SEC23B: variants seen among roughly 807,000 people sequenced by gnomAD.
The protein encoded by SEC23B is SEC23 homolog B, COPII component.
SEC23B carries 77 observed loss-of-function variants against 104.3 expected under a neutral mutation model. The ratio of observed to expected loss-of-function variants is 0.74; its 90% CI spans 0.61 to 0.89. The LOEUF (loss-of-function observed/expected upper bound fraction) is 0.89, where lower values mean the gene tolerates loss of function less well. SEC23B is among the 40% of genes least tolerant of loss of function. The pLI, the probability that SEC23B is intolerant of heterozygous loss-of-function variation, is 0.00. For missense variants in SEC23B, 885 were observed against 949.4 expected, an observed-to-expected ratio of 0.93 and a Z score of 0.89; for synonymous variants, 338 against 332.5, an observed-to-expected ratio of 1.02 and a Z score of -0.18.
At chr20:18,524,810 A>G in intron 5 of SEC23B, 125 bp from the exon 6 acceptor site, 1 of 1,224,294 alleles carries the variant, frequency 8.2e-7, no homozygotes, top group Admixed American at 1.8e-5. Flanking sequence ...GGCCCACCTC[A>G]GCCTCATGAG....
chr20:18,554,260 G>A lies in SEC23B; in HGVS notation c.2018G>A (p.Gly673Asp). 6.2e-7 allele frequency: 1 copy of A among 1,614,166 alleles called. No homozygotes were observed. The highest frequency in any genetic ancestry group is 8.5e-7 in the Non-Finnish European group (1 of 1,180,030). ...ACCATAGCCCAGTGGCGTAAAGCTG[G>A]CTACCAGGACATGCCCGAGTATGAA... ...GETIAQWRKA[G>D]YQDMPEYENF... Residue 673 changes from glycine to aspartate, a missense_variant, in exon 18 of 20, where the codon GGC (glycine) becomes GAC (aspartate). Physicochemically the swap from Gly to Asp is moderately conservative, Grantham distance 94. Transcript: ENST00000650089.
At chr20:18,539,230 G>T (rs1319261833) in intron 12 of SEC23B, among the ~76,000 whole-genome samples, 2 of 144,590 alleles carry the variant, frequency 1.4e-5, no homozygotes, top group African/African-American at 5.1e-5. Context: ...AAAAGGCCGG[G>T]TGCGGTGGCT....
intron 9 of SEC23B, among the ~76,000 whole-genome samples, chr20:18,529,678 C>G (rs1320761127): frequency 5.3e-5 from 8 of 152,206 alleles, no homozygotes; most frequent in African/African-American, 4.8e-5. Context: ...GAGGAACACA[C>G]TCCACATATA....
intron 19 of SEC23B, among the ~76,000 whole-genome samples, chr20:18,556,869 G>A (rs1479319906): frequency 2.6e-4 from 39 of 152,176 alleles, no homozygotes; most frequent in East Asian, 1.9e-4. Flanking sequence ...GGTGGCATGC[G>A]CCTGTAGTCC....
Position 18,510,887 on chromosome 20 carries a change from C to A in SEC23B, c.52C>A (p.Arg18Ser). The A allele has an allele frequency of 1.2e-6, 2 of 1,614,070 alleles. No homozygotes were observed. Among genetic ancestry groups the A allele is most frequent in the South Asian group, 2.2e-5 (2 of 91,074 alleles). The change falls in exon 2 of 20, where the codon CGT (arginine) becomes AGT (serine). Residue 18 changes from arginine (R) to serine (S), a missense_variant. Physicochemically the swap from Arg to Ser is moderately radical, Grantham distance 110. Transcript: ENST00000650089. ...IQQNEERDGV[R>S]FSWNVWPSSR... ...GCAGAATGAAGAACGGGATGGTGTG[C>A]GTTTTAGTTGGAACGTGTGGCCTTC...
At chr20:18,536,406 A>G (rs971840045) in intron 12 of SEC23B, among the ~76,000 whole-genome samples, 2 of 152,218 alleles carry the variant, frequency 1.3e-5, no homozygotes, top group African/African-American at 2.4e-5. Context: ...AAATCCACAT[A>G]TAACGGCCGG....
rs752271873 is a variant in SEC23B, at chr20:18,543,073, G to A, written c.1566G>A (p.Glu522=). ...ACATAGAAGCAGCATTTGACCAGGA[G>A]GCTGCGGCAGTGTTGATGGCACGGC... is the stretch of plus-strand genomic sequence containing the variant. ...LRHIEAAFDQ[E]AAAVLMARLG... The change falls in exon 14 of 20, where the codon GAG becomes GAA. Residue 522 remains glutamate (E), a synonymous_variant. Coordinates refer to ENST00000650089, the MANE Select transcript of SEC23B (RefSeq NM_006363.6). The A allele has an allele frequency of 1.2e-6, 2 of 1,614,178 alleles. No individual in the cohort carries two copies. The highest frequency in any genetic ancestry group is 1.1e-5 in the South Asian group (1 of 91,076).
At chr20:18,518,582 GTTTTTTTTTT>G (rs57231166) in intron 4 of SEC23B, among the ~76,000 whole-genome samples, 3,653 of 92,790 alleles carry the variant, frequency 0.039, 134 homozygotes, top group Admixed American at 0.065. Flanking sequence ...CTGGAAGGAG[GTTTTTTTTTT>G]TTTTTTTTTT....
intron 8 of SEC23B, among the ~76,000 whole-genome samples, chr20:18,527,016 G>A (rs868486406): frequency 1.3e-5 from 2 of 152,238 alleles, no homozygotes; most frequent in Admixed American, 6.5e-5. Flanking sequence ...AGGAGTTCGA[G>A]ACGAGTCTTG....
Position 18,524,661 on chromosome 20 carries a change from CAA to C in SEC23B, c.597_598del (p.Gln199HisfsTer40), listed in dbSNP as rs759904569. Reference sequence around the variant, plus strand: ...AGGGACCAAGGATTTAACTGCAAAGCAAATACAGGTTTGTACCTTACTTGTAC... The same window carrying C: ...AGGGACCAAGGATTTAACTGCAAAGCATACAGGTTTGTACCTTACTTGTAC... ...FRGTKDLTAK[Q>X]IQDMLGLTKP... On this transcript the variant is annotated frameshift_variant, in exon 5 of 20. Coordinates refer to ENST00000650089, the MANE Select transcript of SEC23B (RefSeq NM_006363.6). LOFTEE classifies it high-confidence loss of function. 6.2e-7 allele frequency: 1 copy of C among 1,611,928 alleles called. No homozygotes were observed. Among genetic ancestry groups the C allele is most frequent in the Non-Finnish European group, 8.5e-7 (1 of 1,178,262 alleles).
intron 4 of SEC23B, among the ~76,000 whole-genome samples, chr20:18,516,466 T>A (rs1197713022): frequency 1.3e-5 from 2 of 152,134 alleles, no homozygotes; most frequent in Non-Finnish European, 2.9e-5. Flanking sequence ...TTTATTACTG[T>A]AGCTTTGTAA....
intron 11 of SEC23B, among the ~76,000 whole-genome samples, chr20:18,533,076 A>G (rs371335934): frequency 6.6e-6 from 1 of 152,194 alleles, no homozygotes; most frequent in African/African-American, 2.4e-5. Flanking sequence ...CACAAGGCAA[A>G]CATTCAGCAC....
rs747541378 is a variant in SEC23B, at chr20:18,526,509, G to C, written c.971G>C (p.Arg324Pro). 8.1e-6 allele frequency: 13 copies of C among 1,614,160 alleles called. No homozygotes were observed. In the East Asian group the frequency reaches 2.9e-4, roughly 36 times the overall value. The change falls in exon 8 of 20, where the codon CGA becomes CCA. Residue 324 changes from arginine to proline, a missense_variant. Arg to Pro is a moderately radical substitution (Grantham distance 103, BLOSUM62 -2). Coordinates refer to ENST00000650089, the MANE Select transcript of SEC23B (RefSeq NM_006363.6). ...CATGATATTGAGAAAGATAATGCAC[G>C]ATTCATGAAAAAGGCAACCAAGGTA... ...SWHDIEKDNA[R>P]FMKKATKHYE...
At chr20:18,522,485 G>A (rs2060092536) in intron 4 of SEC23B, among the ~76,000 whole-genome samples, 2 of 152,212 alleles carry the variant, frequency 1.3e-5, no homozygotes, top group Admixed American at 1.3e-4. Context: ...GGAGAAGAGA[G>A]TGAAAAGACC....
rs1568617788 is a variant in SEC23B, at chr20:18,543,013, TG to T, written c.1512-5del. The T allele has an allele frequency of 2.5e-6, 4 of 1,614,140 alleles. No individual in the cohort carries two copies. The highest frequency in any genetic ancestry group is 3.3e-4 in the Middle Eastern group (2 of 6,062). ...ATAAGCATGGCACTAACTCTGGAAT[TG>T]TCAGTTGGGCAGATGTACAGAGTCA... is the stretch of plus-strand genomic sequence containing the variant. On this transcript the variant is annotated splice_region_variant and splice_polypyrimidine_tract_variant and intron_variant, in intron 13 of 19. Coordinates refer to ENST00000650089, the MANE Select transcript of SEC23B (RefSeq NM_006363.6).
intron 11 of SEC23B, among the ~76,000 whole-genome samples, chr20:18,535,281 G>A (rs1600254435): frequency 6.6e-6 from 1 of 151,356 alleles, no homozygotes; most frequent in South Asian, 2.1e-4. Flanking sequence ...AGGCTGAGGC[G>A]GGAGGATTGC....
chr20:18,532,810 C>A, intron 11 of SEC23B, 66 bp downstream of exon 11: 2 of 1,184,902 alleles, frequency 1.7e-6, no homozygotes, highest in African/African-American at 1.5e-5. Context: ...AGTGTCAGAG[C>A]ATGATGATCT....
chr20:18,510,929 A>C lies in SEC23B; in HGVS notation c.94A>C (p.Thr32Pro), dbSNP rs1222492834. 1 of 1,614,126 alleles carries C rather than the reference A, an allele frequency of 6.2e-7. No individual in the cohort carries two copies. The highest frequency in any genetic ancestry group is 1.6e-4 in the Middle Eastern group (1 of 6,062). ...NVWPSSRLEA[T>P]RMVVPLACLL... ...GTGGCCTTCCAGCCGGCTGGAGGCTACAAGAATGGTTGTACCCCTGGCTTG... is the reference window on the plus strand; with the variant it reads ...GTGGCCTTCCAGCCGGCTGGAGGCTCCAAGAATGGTTGTACCCCTGGCTTG... The change falls in exon 2 of 20, where the codon ACA (threonine) becomes CCA (proline). Residue 32 changes from threonine to proline, a missense_variant. Physicochemically the swap from Thr to Pro is conservative, Grantham distance 38 (BLOSUM62 -1). Transcript: ENST00000650089.
At chr20:18,554,125 A>T in intron 17 of SEC23B, 110 bp from the exon 18 acceptor site, 1 of 1,241,194 alleles carries the variant, frequency 8.1e-7, no homozygotes, top group Non-Finnish European at 1.2e-6. Context: ...TTTTGATATT[A>T]GACTTCTTCA....
Sources: allele counts gnomAD v4.1 joint callset (sites outside exome capture counted in the v4.1 genomes callset), GRCh38; gene constraint gnomAD v4.1.1; transcripts MANE v1.5; gene names NCBI Gene and HGNC (gene_info 2026-07-23, HGNC 2026-07-21).